Variants in TP73 observed in about 807,000 individuals in gnomAD.
TP73 encodes p53-like transcription factor.
Under a neutral mutation model 62.5 loss-of-function variants are expected in TP73, and 25 were observed. The observed-to-expected ratio is 0.40, with a 90% CI of 0.29 to 0.56. The LOEUF (loss-of-function observed/expected upper bound fraction) is 0.56. TP73 is among the 20% of genes least tolerant of loss of function. TP73 has a pLI of 0.46. For missense variants in TP73, 754 were observed against 913.3 expected, an observed-to-expected ratio of 0.83 and a Z score of 2.25; for synonymous variants, 423 against 377.5, an observed-to-expected ratio of 1.12 and a Z score of -1.40.
chr1:3,707,474 C>T lies in TP73; in HGVS notation c.187-75C>T, dbSNP rs985347801. 2.6e-6 allele frequency: 4 copies of T among 1,541,946 alleles called. No homozygotes were observed. The African/African-American group carries it at 4.1e-5, about 16-fold the overall frequency. On this transcript the variant is annotated intron_variant, in intron 3 of 13. Transcript: ENST00000378295. The stretch of plus-strand genomic sequence containing the variant: ...CGCTGGCCCTTTAAGGCTCCTGTAA[C>T]AGGACACCTCCTAGACGGGACAGGA...
intron 1 of TP73, among the ~76,000 whole-genome samples, chr1:3,681,780 C>T (rs1409171349): frequency 6.6e-6 from 1 of 152,134 alleles, no homozygotes; most frequent in Non-Finnish European, 1.5e-5. Flanking sequence ...ACCGGAGCCA[C>T]CTCCAGGTCC....
At chr1:3,721,500 G>A (rs374289530) in intron 4 of TP73, among the ~76,000 whole-genome samples, 7 of 152,364 alleles carry the variant, frequency 4.6e-5, no homozygotes, top group African/African-American at 1.7e-4. Context: ...CTCTATGGAA[G>A]CTTGAATGCA....
chr1:3,707,404 T>C, intron 3 of TP73, 145 bp from the exon 4 acceptor site: 1 of 1,187,710 alleles, frequency 8.4e-7, no homozygotes, highest in Non-Finnish European at 1.2e-6. Context: ...AGTGGCCTGT[T>C]GGGATGGGGG....
Position 3,666,232 on chromosome 1 carries a change from C to G in TP73, c.-34+13591C>G, listed in dbSNP as rs1440041916. On this transcript the variant is annotated intron_variant, in intron 1 of 13. Coordinates refer to ENST00000378295, the MANE Select transcript of TP73 (RefSeq NM_005427.4). This position sits in a 1 kb window ranked among gnomAD's most constrained non-coding sequence, Gnocchi z 6.4. ...AGTCACAGCTGACCACAGCCTCCAA[C>G]TGCTGGGCTCAGGCCATCCTCTTGC... Among the ~76,000 whole-genome samples the G allele has an allele frequency of 6.6e-6, 1 of 150,572 alleles. No individual in the cohort carries two copies. The highest frequency in any genetic ancestry group is 2.4e-5 in the African/African-American group (1 of 40,994).
At chr1:3,728,076 C>A (rs982430106) in intron 8 of TP73, 53 bp from the exon 9 acceptor site, 2 of 1,534,416 alleles carry the variant, frequency 1.3e-6, no homozygotes, top group African/African-American at 1.4e-5. Flanking sequence ...CGGAAGGAGG[C>A]CTCACCCTCT....
In TP73 at chr1:3,696,377, G is replaced by A. The variant is rs78494635; in HGVS notation, c.187-11172G>A. Among the ~76,000 whole-genome samples, 2 of 152,160 alleles carry A rather than the reference G, an allele frequency of 1.3e-5. No homozygotes were observed. Among genetic ancestry groups the A allele is most frequent in the East Asian group, 1.9e-4 (1 of 5,168 alleles). On this transcript the variant is annotated intron_variant, in intron 3 of 13. Coordinates refer to ENST00000378295, the MANE Select transcript of TP73 (RefSeq NM_005427.4). This position sits in a 1 kb window ranked among gnomAD's most constrained non-coding sequence, Gnocchi z 4.1. ...GAGTTGGGGCCACACTGGCAGGAGC[G>A]GCCATGTGGACACTCAGTTGCTGGT... is the stretch of plus-strand genomic sequence containing the variant.
intron 3 of TP73, among the ~76,000 whole-genome samples, chr1:3,700,168 C>T (rs532858187): frequency 6.6e-6 from 1 of 152,072 alleles, no homozygotes; most frequent in East Asian, 1.9e-4. Flanking sequence ...AGGCCCAATG[C>T]AGGGACCAGG....
chr1:3,693,271 A>T (rs1308134493), intron 3 of TP73, among the ~76,000 whole-genome samples: 1 of 152,218 alleles, frequency 6.6e-6, no homozygotes, highest in East Asian at 1.9e-4. Flanking sequence ...TATTTGGCCC[A>T]AAGGGTTTTA....
chr1:3,724,518 G>A (rs7416277), intron 6 of TP73, among the ~76,000 whole-genome samples: 8,326 of 152,244 alleles, frequency 0.055, 352 homozygotes, highest in East Asian at 0.22. Flanking sequence ...ACCAGGGCCC[G>A]GGAGGGCTCC....
chr1:3,711,102 G>C (rs9786961), intron 4 of TP73, among the ~76,000 whole-genome samples: 3 of 152,218 alleles, frequency 2.0e-5, no homozygotes, highest in South Asian at 4.1e-4. Flanking sequence ...CTTCTGCTTC[G>C]CCCCTCTGCC....
intron 4 of TP73, among the ~76,000 whole-genome samples, chr1:3,708,836 A>G (rs1229512715): frequency 6.6e-6 from 1 of 152,142 alleles, no homozygotes; most frequent in African/African-American, 2.4e-5. Flanking sequence ...TATGGGACAC[A>G]TGTTGGTCCG....
At position 3,701,576 on chromosome 1, in the gene TP73, C is replaced by T. The variant is rs1639173233; in HGVS notation, c.187-5973C>T. On this transcript the variant is annotated intron_variant, in intron 3 of 13. Transcript: ENST00000378295. This position sits in a 1 kb window ranked among gnomAD's most constrained non-coding sequence, Gnocchi z 4.7. ...CTGGAGTGCTGTGGCGTGATCTCAG[C>T]TCACTGCAACCTCTGCCTCCCGGGT... Among the ~76,000 whole-genome samples the T allele has an allele frequency of 6.6e-6, 1 of 152,210 alleles. No individual in the cohort carries two copies. Among genetic ancestry groups the T allele is most frequent in the Non-Finnish European group, 1.5e-5 (1 of 68,036 alleles).
chr1:3,721,262 C>T (rs923299461), intron 4 of TP73, among the ~76,000 whole-genome samples: 1 of 152,256 alleles, frequency 6.6e-6, no homozygotes, highest in African/African-American at 2.4e-5. Flanking sequence ...GGAAGGGTGT[C>T]ATCCAGTCCT....
intron 1 of TP73, among the ~76,000 whole-genome samples, chr1:3,658,140 C>T (rs555433554): frequency 5.3e-5 from 8 of 152,256 alleles, no homozygotes; most frequent in African/African-American, 9.6e-5. Context: ...AGCAAGGGCA[C>T]GGAAGGCAGG....
intron 3 of TP73, among the ~76,000 whole-genome samples, chr1:3,695,871 A>G (rs1451387010): frequency 7.2e-5 from 11 of 152,190 alleles, no homozygotes; most frequent in Non-Finnish European, 1.5e-4. Flanking sequence ...CCCGCCGGTC[A>G]GGTGGTACCA....
intron 1 of TP73, among the ~76,000 whole-genome samples, chr1:3,655,435 T>C (rs546032106): frequency 6.6e-6 from 1 of 152,350 alleles, no homozygotes; most frequent in Non-Finnish European, 1.5e-5. Flanking sequence ...TGTAACGAGC[T>C]GCCATTTTGC....
At chr1:3,688,389 G>A (rs1645719363) in intron 3 of TP73, among the ~76,000 whole-genome samples, 3 of 152,156 alleles carry the variant, frequency 2.0e-5, no homozygotes, top group Admixed American at 2.0e-4. Context: ...CACATCACTG[G>A]CACCAGGAAA....
rs916063373 is a variant in TP73 at position 3,700,041 on chromosome 1, C to G, written c.187-7508C>G. 2.6e-5 allele frequency among the ~76,000 whole-genome samples: 4 copies of G among 151,938 alleles called. No individual in the cohort carries two copies. In the East Asian group the frequency reaches 7.8e-4, roughly 29 times the overall value. ...CTCAGCTCCCAAGGATGGGGTCCCT[C>G]GGGAAGCTGTTATTGCTGTCTACGG... On this transcript the variant is annotated intron_variant, in intron 3 of 13. Transcript: ENST00000378295.
At chr1:3,679,000 C>T (rs941673130) in intron 1 of TP73, among the ~76,000 whole-genome samples, 12 of 152,174 alleles carry the variant, frequency 7.9e-5, no homozygotes, top group Admixed American at 2.6e-4. Flanking sequence ...CCTGGAGGGC[C>T]GGACGGGTGG....
Sources: gnomAD v4.1 joint callset for allele counts (sites outside exome capture counted in the v4.1 genomes callset) on GRCh38, gnomAD v4.1.1 for gene constraint, Gnocchi (gnomAD v3.1) non-coding constraint, MANE v1.5 for transcripts, NCBI Gene and HGNC (gene_info 2026-07-23, HGNC 2026-07-21) for gene names.